The following SF3B1 variants were observed in gnomAD, a reference collection of about 807,000 sequenced individuals.
The protein encoded by SF3B1 is splicing factor 3b subunit 1.
Under a neutral mutation model 153.8 loss-of-function variants are expected in SF3B1, and 12 were observed. That is an observed-to-expected ratio of 0.08 (90% CI 0.05 to 0.13). The LOEUF is 0.13. Among genes scored for constraint, SF3B1 ranks in the 10% least tolerant of loss-of-function variants. SF3B1 has a pLI of 1.00. For synonymous variants in SF3B1, 498 were observed against 525.2 expected (o/e 0.95, Z 0.71); for missense variants, 513 against 1,606.1 (o/e 0.32, Z 11.63).
At chr2:197,419,062 A>C in intron 4 of SF3B1, 1 of 818,008 alleles carries the variant, frequency 1.2e-6, no homozygotes, top group South Asian at 1.6e-5. Flanking sequence ...ATGACTAGAT[A>C]AGTTCTTCAT....
intron 1 of SF3B1, among the ~76,000 whole-genome samples, chr2:197,424,820 C>A (rs987361941): frequency 2.0e-5 from 3 of 152,182 alleles, no homozygotes; most frequent in Admixed American, 6.5e-5. Flanking sequence ...TAAATTCTTG[C>A]CAGCCCATGC....
Position 197,421,110 on chromosome 2 carries a change from AGAT to A in SF3B1, c.216_218del (p.Ser73del). 8 of 1,613,212 alleles carry A rather than the reference AGAT, an allele frequency of 5.0e-6. No homozygotes were observed. Among genetic ancestry groups the A allele is most frequent in the Non-Finnish European group, 6.8e-6 (8 of 1,179,348 alleles). Reference sequence around the variant, plus strand: ...GCTTCTTCTGACCAAGCAAACTCGTAGATGATGAATAGTCATCGTCATCCTGCA... The same window carrying A: ...GCTTCTTCTGACCAAGCAAACTCGTAGATGAATAGTCATCGTCATCCTGCA... On this transcript the variant is annotated inframe_deletion, in exon 3 of 25. Coordinates refer to ENST00000335508, the MANE Select transcript of SF3B1 (RefSeq NM_012433.4).
rs977569155 is a variant in SF3B1 at position 197,398,125 on chromosome 2, A to G, written c.3135-9T>C. 3.1e-6 allele frequency: 5 copies of G among 1,593,236 alleles called. No homozygotes were observed. The African/African-American group carries it at 6.7e-5, about 21-fold the overall frequency. ...ATACATATTCAGCTCCCCTAATTTA[A>G]AAAATACACATATTAATTATTGTGA... On this transcript the variant is annotated splice_polypyrimidine_tract_variant and intron_variant, in intron 21 of 24. Coordinates refer to ENST00000335508, the MANE Select transcript of SF3B1 (RefSeq NM_012433.4).
intron 7 of SF3B1, among the ~76,000 whole-genome samples, chr2:197,409,342 G>C (rs2085035697): frequency 6.6e-6 from 1 of 152,084 alleles, no homozygotes; most frequent in South Asian, 2.1e-4. Context: ...GGAGGTTGCA[G>C]TGAGCTGAGA....
intron 1 of SF3B1, among the ~76,000 whole-genome samples, chr2:197,426,865 C>T (rs1422438995): frequency 1.3e-5 from 2 of 152,094 alleles, no homozygotes; most frequent in African/African-American, 4.8e-5. Flanking sequence ...TCATACACAA[C>T]TAAAAAACAG....
At chr2:197,396,420 TTAA>T in intron 22 of SF3B1, 92 bp from the exon 23 acceptor site, 1 of 1,058,458 alleles carries the variant, frequency 9.4e-7, no homozygotes, top group Non-Finnish European at 1.4e-6. Context: ...CTTTTAAGTA[TTAA>T]TAATTACAGG....
chr2:197,428,539 T>C (rs903214178), intron 1 of SF3B1, among the ~76,000 whole-genome samples: 3 of 152,168 alleles, frequency 2.0e-5, no homozygotes, highest in Non-Finnish European at 4.4e-5. Context: ...TTCTTAAATA[T>C]AAACTGACTA....
At chr2:197,416,988 T>C in intron 5 of SF3B1, 77 bp from the exon 6 acceptor site, 1 of 1,383,056 alleles carries the variant, frequency 7.2e-7, no homozygotes, top group Non-Finnish European at 1.0e-6. Flanking sequence ...CACTTCCACT[T>C]AACATCCTAT....
In SF3B1 at chr2:197,402,867, T is replaced by G. The variant is rs371387200; in HGVS notation, c.1807-41A>C. On this transcript the variant is annotated intron_variant, in intron 13 of 24. Transcript: ENST00000335508. This position sits in a 1 kb window ranked among gnomAD's most constrained non-coding sequence, Gnocchi z 4.6. ...AGAAAGGACAGTCATGAGTTGGTAA[T>G]ATTAATCTTCAACCATTTCTTTCCA... 1.2e-6 allele frequency: 2 copies of G among 1,611,748 alleles called. No homozygotes were observed. The highest frequency in any genetic ancestry group is 1.7e-6 in the Non-Finnish European group (2 of 1,178,660).
chr2:197,422,254 A>G (rs1306265584), intron 2 of SF3B1, among the ~76,000 whole-genome samples: 1 of 151,174 alleles, frequency 6.6e-6, no homozygotes, highest in Non-Finnish European at 1.5e-5. Context: ...TCTCTCAAGA[A>G]AAAAAAAAGA....
rs148227154 is a variant in SF3B1, at chr2:197,421,128, G to A, written c.201C>T (p.Asp67=). The change falls in exon 3 of 25, where the codon GAC becomes GAT. Residue 67 remains aspartate, a synonymous_variant. Coordinates refer to ENST00000335508, the MANE Select transcript of SF3B1 (RefSeq NM_012433.4). The part of the protein sequence containing the change: ...SIAATELEDD[D]DDYSSSTSLL... ...AACTCGTAGATGATGAATAGTCATC[G>A]TCATCCTGCAATGAAAACCCCCCAA... 65 of 1,605,246 alleles carry A rather than the reference G, an allele frequency of 4.0e-5. No homozygotes were observed. Among genetic ancestry groups the A allele is most frequent in the African/African-American group, 1.2e-4 (9 of 74,684 alleles).
chr2:197,427,856 T>C (rs1441272226), intron 1 of SF3B1, among the ~76,000 whole-genome samples: 4 of 151,870 alleles, frequency 2.6e-5, no homozygotes, highest in Non-Finnish European at 5.9e-5. Context: ...CCATCTCTAC[T>C]AAAAATATAA....
chr2:197,397,883 A>G, intron 22 of SF3B1, 102 bp downstream of exon 22: 1 of 794,312 alleles, frequency 1.3e-6, no homozygotes, highest in Non-Finnish European at 2.0e-6. Context: ...TGCATTATTC[A>G]GACCATGCCT....
Position 197,416,827 on chromosome 2 carries a change from A to T in SF3B1, c.580T>A (p.Ser194Thr). 1 of 1,614,118 alleles carries T rather than the reference A, an allele frequency of 6.2e-7. No individual in the cohort carries two copies. The highest frequency in any genetic ancestry group is 8.5e-7 in the Non-Finnish European group (1 of 1,180,010). The change falls in exon 6 of 25, where the codon TCA becomes ACA. Residue 194 changes from serine (S) to threonine (T), a missense_variant. Physicochemically the swap from Ser to Thr is moderately conservative, Grantham distance 58. Coordinates refer to ENST00000335508, the MANE Select transcript of SF3B1 (RefSeq NM_012433.4). Reference protein sequence around the residue: ...VNGAAASQPPSKRKRRWDQTA... With the variant: ...VNGAAASQPPTKRKRRWDQTA... Reference sequence around the variant, plus strand: ...TGATCCCAACGCCGTTTTCGTTTTGATGGAGGCTGGGACGCTGCTGCTCCA... The same window carrying T: ...TGATCCCAACGCCGTTTTCGTTTTGTTGGAGGCTGGGACGCTGCTGCTCCA...
chr2:197,395,523 C>T (rs1044092882), intron 23 of SF3B1, among the ~76,000 whole-genome samples: 2 of 152,160 alleles, frequency 1.3e-5, no homozygotes, highest in South Asian at 2.1e-4. Context: ...TAAGGCTGTA[C>T]GTCAGTCTAG....
In SF3B1 at chr2:197,420,018, G is replaced by C. The variant is rs907707096; in HGVS notation, c.415+410C>G. ...TACTAAGCTATATTTAGAGCACTATGGGGGGAGCTCTAGTGTGAGAAACAG... is the reference window on the plus strand; with the variant it reads ...TACTAAGCTATATTTAGAGCACTATCGGGGGAGCTCTAGTGTGAGAAACAG... On this transcript the variant is annotated intron_variant, in intron 4 of 24. Coordinates refer to ENST00000335508, the MANE Select transcript of SF3B1 (RefSeq NM_012433.4). 3 of 235,148 alleles carry C rather than the reference G, an allele frequency of 1.3e-5. No homozygotes were observed. In the Admixed American group the frequency reaches 1.7e-4, roughly 13 times the overall value. The allele number at this position is 235,148 out of a possible 1,614,324, so 14.6% of individuals were successfully genotyped here. A position where few individuals can be genotyped will look rare whatever the true frequency, so the allele number is the denominator to read the frequency against.
chr2:197,412,970 CAAAAAAAAAAA>C (rs779446735), intron 6 of SF3B1, among the ~76,000 whole-genome samples: 10 of 45,486 alleles, frequency 2.2e-4, no homozygotes, highest in Non-Finnish European at 4.4e-4. Context: ...ACTGTTGTCT[CAAAAAAAAAAA>C]AAAAAAAAAA....
intron 12 of SF3B1, 77 bp from the exon 13 acceptor site, chr2:197,403,112 A>G: frequency 9.6e-7 from 1 of 1,039,914 alleles, no homozygotes; most frequent in African/African-American, 1.6e-5. Flanking sequence ...AATTAAACAT[A>G]CATAAGAAAT....
intron 6 of SF3B1, among the ~76,000 whole-genome samples, chr2:197,411,838 C>T (rs2085073124): frequency 1.3e-5 from 2 of 152,206 alleles, no homozygotes; most frequent in South Asian, 2.1e-4. Flanking sequence ...TGGTTCATGC[C>T]TGTAATCCCA....
Sources: gnomAD v4.1 joint callset for allele counts (sites outside exome capture counted in the v4.1 genomes callset) on GRCh38, gnomAD v4.1.1 for gene constraint, Gnocchi (gnomAD v3.1) non-coding constraint, MANE v1.5 for transcripts, NCBI Gene and HGNC (gene_info 2026-07-23, HGNC 2026-07-21) for gene names.